Variants in TRMT11 observed in about 807,000 individuals in gnomAD.
TRMT11 encodes tRNA (guanine(10)-N(2))-methyltransferase TRMT11.
Under a neutral mutation model 62.8 loss-of-function variants are expected in TRMT11, and 53 were observed. The observed-to-expected ratio is 0.84, with a 90% CI of 0.68 to 1.06. The LOEUF is 1.06. Among genes scored for constraint, TRMT11 ranks in the 50% least tolerant of loss-of-function variants. TRMT11 has a pLI of 0.00. For synonymous variants in TRMT11, 188 were observed against 190.3 expected (o/e 0.99, Z 0.10); for missense variants, 556 against 553.4 (o/e 1.00, Z -0.05).
At chr6:126,111,952 G>A (rs1158603221) in intron 17 of TRMT11, among the ~76,000 whole-genome samples, 3 of 149,764 alleles carry the variant, frequency 2.0e-5, no homozygotes, top group African/African-American at 7.7e-5. Context: ...GGCACTTGCC[G>A]TAAGGTAAGT....
intron 17 of TRMT11, among the ~76,000 whole-genome samples, chr6:126,057,725 C>T (rs943265001): frequency 6.6e-6 from 1 of 152,222 alleles, no homozygotes; most frequent in Non-Finnish European, 1.5e-5. Flanking sequence ...GTCATCTACA[C>T]CACTGCCTTC....
At chr6:126,183,750 G>A (rs536385754) in intron 1 of TRMT11, among the ~76,000 whole-genome samples, 91 of 138,746 alleles carry the variant, frequency 6.6e-4, no homozygotes, top group Middle Eastern at 3.6e-3. Flanking sequence ...TCAGCTCACC[G>A]TTTTTAATAA....
At chr6:126,255,727 G>A in the TRMT11 span, among the ~76,000 whole-genome samples, 36 of 151,856 alleles carry the variant, frequency 2.4e-4, no homozygotes, top group African/African-American at 7.8e-4. Flanking sequence ...TTTGGGGAAG[G>A]GATGTTAAAA....
upstream of TRMT11, chr6:126,177,121 A>G (rs1778395304): frequency 6.6e-6 from 1 of 152,200 alleles, no homozygotes; most frequent in African/African-American, 2.4e-5. Flanking sequence ...CAAGAAAATT[A>G]TTAATTATTG....
chr6:126,151,850 C>CTTTCTTTCTTTAG (rs1230275451), intron 21 of TRMT11, among the ~76,000 whole-genome samples: 1 of 129,408 alleles, frequency 7.7e-6, no homozygotes, highest in African/African-American at 3.0e-5. Context: ...TTCTTTCTTT[C>CTTTCTTTCTTTAG]TTTCTTTCTT....
the TRMT11 span, among the ~76,000 whole-genome samples, chr6:126,212,677 A>G: frequency 2.0e-5 from 3 of 152,046 alleles, no homozygotes; most frequent in Non-Finnish European, 2.9e-5. Context: ...TTGGGTTATT[A>G]ATCCCTTGTC....
upstream of TRMT11, among the ~76,000 whole-genome samples, chr6:126,173,284 G>A (rs1461253860): frequency 2.0e-5 from 3 of 152,128 alleles, no homozygotes; most frequent in Non-Finnish European, 2.9e-5. Flanking sequence ...GCATCCTTGA[G>A]GAGAGATTAG....
At chr6:126,268,997 C>T in the TRMT11 span, among the ~76,000 whole-genome samples, 22 of 151,838 alleles carry the variant, frequency 1.4e-4, no homozygotes, top group Non-Finnish European at 2.4e-4. Flanking sequence ...CGCGGTGGCT[C>T]ACGCCTGTAA....
chr6:126,224,871 C>T, the TRMT11 span, among the ~76,000 whole-genome samples: 1 of 152,212 alleles, frequency 6.6e-6, no homozygotes, highest in Non-Finnish European at 1.5e-5. Context: ...CAAGTGCGTG[C>T]TGGTCGGGGC....
chr6:126,080,898 T>C (rs1199162841), intron 17 of TRMT11, among the ~76,000 whole-genome samples: 1 of 152,194 alleles, frequency 6.6e-6, no homozygotes, highest in Non-Finnish European at 1.5e-5. Context: ...ATTGGCTCTA[T>C]GACCCCTAGG....
At chr6:126,267,843 T>C in the TRMT11 span, among the ~76,000 whole-genome samples, 1 of 152,186 alleles carries the variant, frequency 6.6e-6, no homozygotes, top group Non-Finnish European at 1.5e-5. Flanking sequence ...CTTGTTTTTC[T>C]GGGTGATTAA....
intron 16 of TRMT11, among the ~76,000 whole-genome samples, chr6:126,044,893 G>A (rs1433422802): frequency 6.6e-6 from 1 of 151,522 alleles, no homozygotes; most frequent in Non-Finnish European, 1.5e-5. Flanking sequence ...TTGTTAAAAT[G>A]CTGATTATCA....
chr6:126,094,222 CCA>C (rs1196786911), intron 17 of TRMT11, among the ~76,000 whole-genome samples: 1 of 152,076 alleles, frequency 6.6e-6, no homozygotes, highest in Non-Finnish European at 1.5e-5. Context: ...TGTGTGCTTT[CCA>C]CAGTGACAAA....
chr6:126,117,220 A>G (rs1315348956), intron 21 of TRMT11, among the ~76,000 whole-genome samples: 2 of 152,102 alleles, frequency 1.3e-5, no homozygotes, highest in Non-Finnish European at 2.9e-5. Flanking sequence ...TGTGTATTCT[A>G]CACCTCCTGG....
chr6:126,197,589 T>G (rs1778681121), intron 1 of TRMT11, among the ~76,000 whole-genome samples: 1 of 152,218 alleles, frequency 6.6e-6, no homozygotes, highest in African/African-American at 2.4e-5. Flanking sequence ...TGTATATTCC[T>G]CAGATTCCTT....
At chr6:126,201,521 C>T (rs1464721058) in intron 3 of TRMT11, among the ~76,000 whole-genome samples, 1 of 152,140 alleles carries the variant, frequency 6.6e-6, no homozygotes, top group Non-Finnish European at 1.5e-5. Context: ...CGGATCCTAT[C>T]AATTACACAA....
At chr6:126,142,485 A>G (rs1358767260) in intron 21 of TRMT11, among the ~76,000 whole-genome samples, 1 of 152,084 alleles carries the variant, frequency 6.6e-6, no homozygotes, top group Non-Finnish European at 1.5e-5. Flanking sequence ...TTTGATTTGT[A>G]GGTAGAAATT....
chr6:126,151,842 C>CTTTCT, intron 21 of TRMT11, among the ~76,000 whole-genome samples: 1 of 130,280 alleles, frequency 7.7e-6, no homozygotes, highest in South Asian at 2.5e-4. Flanking sequence ...TTCTTTCTTT[C>CTTTCT]TTTCTTTCTT....
intron 17 of TRMT11, among the ~76,000 whole-genome samples, chr6:126,110,358 C>T (rs975929124): frequency 6.6e-6 from 1 of 152,114 alleles, no homozygotes; most frequent in Non-Finnish European, 1.5e-5. Context: ...CTTTTCCATA[C>T]CTCCAAGTTG....
Sources: gnomAD v4.1 joint callset for allele counts (sites outside exome capture counted in the v4.1 genomes callset) on GRCh38, gnomAD v4.1.1 for gene constraint, MANE v1.5 for transcripts, NCBI Gene and HGNC (gene_info 2026-07-23, HGNC 2026-07-21) for gene names.